ABCA12: variants seen among roughly 807,000 people sequenced by gnomAD.
The protein encoded by ABCA12 is ATP binding cassette subfamily A member 12.
A neutral mutation model predicts 293.5 loss-of-function variants in ABCA12; 156 were observed. That is an observed-to-expected ratio of 0.53 (90% confidence interval 0.47 to 0.61). The LOEUF is 0.61. ABCA12 is among the 20% of genes least tolerant of loss of function. The probability of loss-of-function intolerance (pLI) is 0.00; values close to 1 mark genes in which losing one functional copy is unlikely to be tolerated. For missense variants in ABCA12, 2,797 were observed against 3,090.2 expected (o/e 0.91, Z 2.25); for synonymous variants, 1,063 against 1,108.0 (o/e 0.96, Z 0.81).
Position 214,959,032 on chromosome 2 carries a change from T to A in ABCA12, c.5931A>T (p.Glu1977Asp), listed in dbSNP as rs1312565027. ...TAGAGATATCTGCTTACGTGGCTTG[T>A]TCTTGGTCTTGCACTCCTGGATAAG... ...SHPYPGVQDQ[E>D]QATISSLIDI... is the part of the protein sequence containing the mutation. The change falls in exon 40 of 53, where the codon GAA (glutamate) becomes GAT (aspartate). Residue 1977 changes from glutamate to aspartate, a missense_variant. Physicochemically the swap from Glu to Asp is conservative, Grantham distance 45 (BLOSUM62 2). Coordinates refer to ENST00000272895, the MANE Select transcript of ABCA12 (RefSeq NM_173076.3). The A allele has an allele frequency of 1.2e-6, 2 of 1,613,740 alleles. No homozygotes were observed. Among genetic ancestry groups the A allele is most frequent in the African/African-American group, 2.7e-5 (2 of 74,922 alleles).
chr2:215,134,599 CTATATATATATATATATA>C (rs1459780260), intron 1 of ABCA12, among the ~76,000 whole-genome samples: 2 of 85,252 alleles, frequency 2.3e-5, no homozygotes, highest in Non-Finnish European at 4.2e-5. Flanking sequence ...CTCTCTCTCT[CTATATATATATATATATA>C]GAGAGAGAGA....
intron 15 of ABCA12, chr2:215,013,723 T>TA: frequency 6.5e-6 from 1 of 153,894 alleles, no homozygotes; most frequent in South Asian, 2.0e-4. Flanking sequence ...TTTCATGTCA[T>TA]ATGCATTGTA....
Position 215,000,848 on chromosome 2 carries a change from T to C in ABCA12, c.3036A>G (p.Ser1012=). The C allele has an allele frequency of 6.2e-7, 1 of 1,614,150 alleles. No homozygotes were observed. The highest frequency in any genetic ancestry group is 8.5e-7 in the Non-Finnish European group (1 of 1,179,998). The change falls in exon 22 of 53, where the codon TCA becomes TCG. Residue 1012 remains serine (S), a synonymous_variant. Transcript: ENST00000272895. ...AAGCCCTGCCATAGATCTGGTTGTG[T>C]GATGGAGAATTGTGTGGCCCTGGAG... ...IWAPGPHNSP[S]HNQIYGRAFI...
At chr2:215,057,910 C>A (rs1023427402) in intron 3 of ABCA12, among the ~76,000 whole-genome samples, 5 of 152,020 alleles carry the variant, frequency 3.3e-5, no homozygotes, top group African/African-American at 1.2e-4. Flanking sequence ...CATATTCATT[C>A]ATTAACTCAC....
chr2:215,025,601 T>TG (rs869112674), intron 11 of ABCA12, 72 bp downstream of exon 11: 5 of 906,582 alleles, frequency 5.5e-6, no homozygotes, highest in Middle Eastern at 3.3e-4. Flanking sequence ...AGTGTTAAGG[T>TG]TTTTTTTTTG....
At position 215,138,444 on chromosome 2, in the gene ABCA12, C is replaced by G. The variant is rs1040172964; in HGVS notation, c.-236G>C. On this transcript the variant is annotated 5_prime_UTR_variant, in exon 1 of 53. Coordinates refer to ENST00000272895, the MANE Select transcript of ABCA12 (RefSeq NM_173076.3). ...TCAACTCTTCTTCCAAAAGAAGGAC[C>G]CAGATCAGTATCTTTGGGTGGCTTA... is the stretch of plus-strand genomic sequence containing the variant. The G allele has an allele frequency of 5.5e-5, 31 of 566,508 alleles. 1 individual carries two copies. In the Middle Eastern group the frequency reaches 1.8e-3, roughly 33 times the overall value. The allele number at this position is 566,508 out of a possible 1,614,324, so 35.1% of individuals were successfully genotyped here.
chr2:215,138,346 A>G lies in ABCA12; in HGVS notation c.-138T>C. On this transcript the variant is annotated 5_prime_UTR_variant, in exon 1 of 53. Coordinates refer to ENST00000272895, the MANE Select transcript of ABCA12 (RefSeq NM_173076.3). ...CATAGCTTCCTTGAGGGCTGGGGTA[A>G]GAAACCCACAGTTCTTCTGTTTCTG... 2 of 870,168 alleles carry G rather than the reference A, an allele frequency of 2.3e-6. No homozygotes were observed. Among genetic ancestry groups the G allele is most frequent in the Non-Finnish European group, 3.9e-6 (2 of 516,578 alleles). 53.9% of individuals were successfully genotyped at this position (870,168 alleles called of 1,614,324 possible).
At position 214,931,612 on chromosome 2, in the gene ABCA12, T is replaced by C. The variant is rs1227904955; in HGVS notation, c.*1022A>G. 1 of 152,634 alleles carries C rather than the reference T, an allele frequency of 6.6e-6. No homozygotes were observed. The highest frequency in any genetic ancestry group is 1.5e-5 in the Non-Finnish European group (1 of 68,048). The allele number at this position is 152,634 out of a possible 1,614,324, so 9.5% of individuals were successfully genotyped here. On this transcript the variant is annotated 3_prime_UTR_variant, in exon 53 of 53. Transcript: ENST00000272895. ...TCATGCCAAAGCTGACAAACTTGTA[T>C]AGATACACACACATACACGCACACA...
intron 39 of ABCA12, among the ~76,000 whole-genome samples, chr2:214,965,877 A>G (rs1233481159): frequency 1.2e-4 from 18 of 152,234 alleles, no homozygotes; most frequent in South Asian, 4.1e-4. Flanking sequence ...CAGCAGTCTT[A>G]TTACTACATA....
intron 48 of ABCA12, 135 bp downstream of exon 48, chr2:214,947,287 G>C: frequency 8.1e-7 from 1 of 1,237,834 alleles, no homozygotes; most frequent in Non-Finnish European, 1.2e-6. Context: ...TACATAAAGT[G>C]CTTTGCACAA....
chr2:215,117,542 T>A (rs1466173015), intron 1 of ABCA12, among the ~76,000 whole-genome samples: 1 of 152,216 alleles, frequency 6.6e-6, no homozygotes, highest in Non-Finnish European at 1.5e-5. Flanking sequence ...TTTCAAGTAT[T>A]TACAAATTTC....
intron 2 of ABCA12, among the ~76,000 whole-genome samples, chr2:215,103,250 T>C (rs1208495925): frequency 6.7e-6 from 1 of 149,140 alleles, no homozygotes; most frequent in Non-Finnish European, 1.5e-5. Context: ...TTTAACAATG[T>C]CTCTTAAAAT....
chr2:214,989,056 A>G (rs1699850175), intron 26 of ABCA12, among the ~76,000 whole-genome samples: 1 of 149,244 alleles, frequency 6.7e-6, no homozygotes, highest in African/African-American at 2.5e-5. Flanking sequence ...GCACGTGCCT[A>G]TAATCCCAGC....
At chr2:214,991,246 C>G (rs1287624406) in intron 23 of ABCA12, among the ~76,000 whole-genome samples, 1 of 152,090 alleles carries the variant, frequency 6.6e-6, no homozygotes, top group Non-Finnish European at 1.5e-5. Flanking sequence ...CAGAATGGCA[C>G]AATATAATAA....
At chr2:215,016,457 C>T (rs903943842) in intron 14 of ABCA12, among the ~76,000 whole-genome samples, 1 of 150,796 alleles carries the variant, frequency 6.6e-6, no homozygotes, top group Non-Finnish European at 1.5e-5. Context: ...GTGGCGGGTG[C>T]CTGTAGTCCC....
At chr2:215,091,258 C>T (rs1702136504) in intron 2 of ABCA12, among the ~76,000 whole-genome samples, 1 of 152,068 alleles carries the variant, frequency 6.6e-6, no homozygotes, top group Non-Finnish European at 1.5e-5. Context: ...TGAGCCAGGT[C>T]CCAATTCTTC....
chr2:215,098,124 G>A (rs777577860), intron 2 of ABCA12, among the ~76,000 whole-genome samples: 46 of 152,106 alleles, frequency 3.0e-4, no homozygotes, highest in Non-Finnish European at 5.9e-4. Flanking sequence ...AGAGGTGTAT[G>A]AGAGTTTAGG....
In ABCA12 at chr2:215,086,553, C is replaced by A. The variant is rs560998346; in HGVS notation, c.164-22334G>T. Among the ~76,000 whole-genome samples the A allele has an allele frequency of 2.6e-5, 4 of 152,252 alleles. No homozygotes were observed. The South Asian group carries it at 8.3e-4, about 32-fold the overall frequency. On this transcript the variant is annotated intron_variant, in intron 2 of 52. Transcript: ENST00000272895. ...AAATGTACCTCCACCTTTACATGAA[C>A]ACAGCTAAGAATCAGCAAACCCAGG...
At chr2:215,090,400 G>A (rs762842813) in intron 2 of ABCA12, among the ~76,000 whole-genome samples, 2 of 152,024 alleles carry the variant, frequency 1.3e-5, no homozygotes, top group African/African-American at 2.4e-5. Context: ...CTACCACCTC[G>A]GGTCCTCAGA....
Sources: gnomAD v4.1 joint callset for allele counts (sites outside exome capture counted in the v4.1 genomes callset) on GRCh38, gnomAD v4.1.1 for gene constraint, MANE v1.5 for transcripts, NCBI Gene and HGNC (gene_info 2026-07-23, HGNC 2026-07-21) for gene names.